ZFHX3: variants seen among roughly 807,000 people sequenced by gnomAD.
ZFHX3 encodes zinc finger homeobox protein 3.
Under a neutral mutation model 279.1 loss-of-function variants are expected in ZFHX3, and 42 were observed. The ratio of observed to expected loss-of-function variants is 0.15; its 90% CI spans 0.12 to 0.19. ZFHX3 has a LOEUF of 0.19. Ranked by LOEUF, ZFHX3 falls within the 10% of genes least tolerant of loss-of-function variation. The pLI is 1.00. For missense variants in ZFHX3, 4,981 were observed against 4,754.0 expected, an observed-to-expected ratio of 1.05 and a Z score of -1.40; for synonymous variants, 2,293 against 1,957.8, an observed-to-expected ratio of 1.17 and a Z score of -4.52.
At chr16:73,136,071 TG>T (rs1417357211) in intron 6 of ZFHX3, among the ~76,000 whole-genome samples, 3 of 152,152 alleles carry the variant, frequency 2.0e-5, no homozygotes, top group Admixed American at 6.5e-5. Context: ...TTGGTCAGGA[TG>T]GTCTCGAAAT....
chr16:73,383,076 C>T (rs2016842689), intron 3 of ZFHX3, among the ~76,000 whole-genome samples: 4 of 152,234 alleles, frequency 2.6e-5, no homozygotes, highest in Admixed American at 2.6e-4. Flanking sequence ...TGGCCGCTCT[C>T]CACATCCCCA....
Position 72,794,980 on chromosome 16 carries a change from T to G in ZFHX3, c.7702A>C (p.Arg2568=), listed in dbSNP as rs921173292. The change falls in exon 9 of 10, where the codon AGG becomes CGG. Residue 2568 remains arginine, a synonymous_variant. Transcript: ENST00000268489. This position sits in a 1 kb window ranked among gnomAD's most constrained non-coding sequence, Gnocchi z 4.2. ...AGCATGAAAGGCATATCCAGGGACC[T>G]GTCCAAAAACTGGGGGTGGATGAAC... The part of the protein sequence containing the change: ...NQFIHPQFLD[R]SLDMPFMLFD... 1 of 1,614,198 alleles carries G rather than the reference T, an allele frequency of 6.2e-7. No homozygotes were observed. Among genetic ancestry groups the G allele is most frequent in the Non-Finnish European group, 8.5e-7 (1 of 1,180,034 alleles).
At position 73,292,775 on chromosome 16, in the gene ZFHX3, T is replaced by C. The variant is rs142834492; in HGVS notation, c.-1194+25465A>G. ...GAGAGCCTGAGGCCATGGTGAGGGG[T>C]GGCCTCTTGAGCCCAGGTAGGCTTG... On this transcript the variant is annotated intron_variant, in intron 4 of 17. Coordinates refer to the ZFHX3 transcript ENST00000641206. 5.1e-4 allele frequency among the ~76,000 whole-genome samples: 77 copies of C among 151,966 alleles called. 1 individual carries two copies. In the East Asian group the frequency reaches 0.013, roughly 25 times the overall value.
At chr16:73,787,401 T>C (rs1469024675) in intron 1 of ZFHX3, among the ~76,000 whole-genome samples, 1 of 152,174 alleles carries the variant, frequency 6.6e-6, no homozygotes, top group Non-Finnish European at 1.5e-5. Flanking sequence ...AGCGGCCCCA[T>C]GCGTCCCATT....
At chr16:72,950,442 C>T (rs1440233284) in intron 3 of ZFHX3, 27 bp downstream of exon 3, 1 of 1,602,464 alleles carries the variant, frequency 6.2e-7, no homozygotes, top group Non-Finnish European at 8.5e-7. Context: ...AGAAAGAGCG[C>T]CTGAGCCATA....
intron 6 of ZFHX3, among the ~76,000 whole-genome samples, chr16:73,140,324 G>A (rs1206219743): frequency 1.3e-5 from 2 of 152,190 alleles, no homozygotes; most frequent in South Asian, 2.1e-4. Flanking sequence ...AAAACCATCC[G>A]TATCTTGTGT....
At chr16:73,022,472 G>A (rs766695815) in intron 1 of ZFHX3, among the ~76,000 whole-genome samples, 2 of 152,136 alleles carry the variant, frequency 1.3e-5, no homozygotes, top group Non-Finnish European at 2.9e-5. Context: ...TCTTCGTTGG[G>A]GATGAGGGTG....
At chr16:73,483,069 G>C (rs1378808667) in intron 2 of ZFHX3, among the ~76,000 whole-genome samples, 1 of 152,182 alleles carries the variant, frequency 6.6e-6, no homozygotes, top group East Asian at 1.9e-4. Flanking sequence ...CCTCCATGGG[G>C]TTAGAATTCA....
At chr16:72,801,675 C>A (rs896755644) in intron 7 of ZFHX3, among the ~76,000 whole-genome samples, 1 of 152,192 alleles carries the variant, frequency 6.6e-6, no homozygotes, top group Non-Finnish European at 1.5e-5. Flanking sequence ...TTCTTGCCCC[C>A]ACAGACATCT....
intron 7 of ZFHX3, among the ~76,000 whole-genome samples, chr16:73,114,288 G>A (rs1966409061): frequency 6.7e-6 from 1 of 150,094 alleles, no homozygotes; most frequent in Non-Finnish European, 1.5e-5. Context: ...TTTGGTGATG[G>A]TCTCACACTA....
At position 72,957,452 on chromosome 16, in the gene ZFHX3, G is replaced by A; in HGVS notation, c.2694C>T (p.Pro898=). 6.2e-7 allele frequency: 1 copy of A among 1,611,614 alleles called. No homozygotes were observed. Among genetic ancestry groups the A allele is most frequent in the Non-Finnish European group, 8.5e-7 (1 of 1,178,596 alleles). The change falls in exon 2 of 10, where the codon CCC becomes CCT. Residue 898 remains proline (P), a synonymous_variant. Coordinates refer to ENST00000268489, the MANE Select transcript of ZFHX3 (RefSeq NM_006885.4). The part of the protein sequence containing the change: ...MSGFQLDPAG[P]MAAMTPALVG... ...CTAGAGCAGGCGTCATGGCGGCCAT[G>A]GGCCCGGCGGGATCCAGCTGGAATC...
chr16:73,203,375 C>T (rs1233858941), intron 5 of ZFHX3, among the ~76,000 whole-genome samples: 2 of 152,204 alleles, frequency 1.3e-5, no homozygotes, highest in African/African-American at 4.8e-5. Context: ...TTGTACTTTA[C>T]ATACAGACAT....
At chr16:72,801,746 A>C (rs995551066) in intron 7 of ZFHX3, among the ~76,000 whole-genome samples, 6 of 152,334 alleles carry the variant, frequency 3.9e-5, no homozygotes, top group African/African-American at 1.4e-4. Flanking sequence ...ATCGTTAAGA[A>C]TGGAGTGGAG....
chr16:73,309,882 G>A (rs1247420979), intron 4 of ZFHX3, among the ~76,000 whole-genome samples: 2 of 144,742 alleles, frequency 1.4e-5, no homozygotes, highest in East Asian at 4.0e-4. Flanking sequence ...GCATAAACAT[G>A]CTTTGGGACT....
chr16:73,736,724 C>T (rs920522123), intron 1 of ZFHX3, among the ~76,000 whole-genome samples: 11 of 152,178 alleles, frequency 7.2e-5, no homozygotes, highest in African/African-American at 1.7e-4. Context: ...TTCATTCACC[C>T]GATTTCACCT....
chr16:73,608,194 C>G (rs2052210238), intron 2 of ZFHX3, among the ~76,000 whole-genome samples: 1 of 152,214 alleles, frequency 6.6e-6, no homozygotes, highest in South Asian at 2.1e-4. Flanking sequence ...TGGAAATTGG[C>G]TTTAAGCCCC....
chr16:73,396,943 C>A (rs2017142396), intron 3 of ZFHX3, among the ~76,000 whole-genome samples: 1 of 152,224 alleles, frequency 6.6e-6, no homozygotes, highest in South Asian at 2.1e-4. Context: ...GTGACGCCAA[C>A]TACTTCTCCG....
intron 3 of ZFHX3, among the ~76,000 whole-genome samples, chr16:72,892,547 G>A (rs2038799653): frequency 6.9e-6 from 1 of 145,174 alleles, no homozygotes; most frequent in Admixed American, 7.0e-5. Context: ...TCACTCTGTT[G>A]CCCATGCTGG....
At chr16:73,119,976 C>T (rs953718411) in intron 7 of ZFHX3, among the ~76,000 whole-genome samples, 1 of 152,196 alleles carries the variant, frequency 6.6e-6, no homozygotes, top group Non-Finnish European at 1.5e-5. Flanking sequence ...ATTGCAGAGC[C>T]TCTGTCCCAG....
Sources: allele counts gnomAD v4.1 joint callset (sites outside exome capture counted in the v4.1 genomes callset), GRCh38; gene constraint gnomAD v4.1.1; non-coding constraint Gnocchi (gnomAD v3.1); transcripts MANE v1.5; gene names NCBI Gene and HGNC (gene_info 2026-07-23, HGNC 2026-07-21).